ATM: variants seen among roughly 807,000 people sequenced by gnomAD.
ATM encodes the protein serine-protein kinase ATM.
A neutral mutation model predicts 387.0 loss-of-function variants in ATM; 308 were observed. The observed-to-expected ratio is 0.80, with a 90% CI of 0.73 to 0.87. ATM has a LOEUF of 0.87. Among genes scored for constraint, ATM ranks in the 40% least tolerant of loss-of-function variants. The probability of loss-of-function intolerance (pLI) is 0.00; values close to 1 mark genes in which losing one functional copy is unlikely to be tolerated. For missense variants in ATM, 3,312 were observed against 3,560.9 expected, an observed-to-expected ratio of 0.93 and a Z score of 1.78; for synonymous variants, 1,156 against 1,187.3, an observed-to-expected ratio of 0.97 and a Z score of 0.54.
At chr11:108,270,185 C>T (rs2081495729) in intron 18 of ATM, among the ~76,000 whole-genome samples, 1 of 152,128 alleles carries the variant, frequency 6.6e-6, no homozygotes, top group Non-Finnish European at 1.5e-5. Flanking sequence ...GTTGCAGCAG[C>T]CCTTTCTGTG....
At chr11:108,286,864 T>C (rs1340759532) in intron 26 of ATM, among the ~76,000 whole-genome samples, 1 of 152,242 alleles carries the variant, frequency 6.6e-6, no homozygotes, top group Non-Finnish European at 1.5e-5. Flanking sequence ...ATTAGCCATT[T>C]ATCACTGTAA....
rs927339050 is a variant in ATM at position 108,265,431 on chromosome 11, T to G, written c.2467-1740T>G. On this transcript the variant is annotated intron_variant, in intron 16 of 62. Transcript: ENST00000675843. ...GTGCTGGGAAAACTGGCTAGCCATATGTAGAAAGCTGAAACTGGATCCCTT... is the reference window on the plus strand; with the variant it reads ...GTGCTGGGAAAACTGGCTAGCCATAGGTAGAAAGCTGAAACTGGATCCCTT... Among the ~76,000 whole-genome samples the G allele has an allele frequency of 3.9e-5, 6 of 152,344 alleles. No individual in the cohort carries two copies. The South Asian group carries it at 1.2e-3, about 32-fold the overall frequency.
chr11:108,254,129 A>G (rs2080324837), intron 13 of ATM, 90 bp downstream of exon 13: 1 of 1,273,536 alleles, frequency 7.9e-7, no homozygotes, highest in Non-Finnish European at 1.1e-6. Flanking sequence ...GAAAAACAGC[A>G]AGGATGGTGG....
rs1555113708 is a variant in ATM at position 108,316,020 on chromosome 11, A to G, written c.6105A>G (p.Thr2035=). The G allele has an allele frequency of 1.2e-6, 2 of 1,614,070 alleles. No homozygotes were observed. The highest frequency in any genetic ancestry group is 2.2e-5 in the East Asian group (1 of 44,886). The change falls in exon 42 of 63, where the codon ACA becomes ACG. Residue 2035 remains threonine (T), a synonymous_variant. Coordinates refer to ENST00000675843, the MANE Select transcript of ATM (RefSeq NM_000051.4). The stretch of plus-strand genomic sequence containing the variant: ...CAATCTTTTCTTATAGACTACGAAC[A>G]TATGAACACGAAGCAATGTGGGGCA... ...KMLQPITRLR[T]YEHEAMWGKA...
chr11:108,267,347 A>AT lies in ATM; in HGVS notation c.2638+6dup. 6.2e-7 allele frequency: 1 copy of AT among 1,613,368 alleles called. No homozygotes were observed. Among genetic ancestry groups the AT allele is most frequent in the East Asian group, 2.2e-5 (1 of 44,868 alleles). Reference sequence around the variant, plus strand: ...GAGAGAGCCAAAGTACCATAGGTAAATACATATTTACTACTTGGGATTTCT... The same window carrying AT: ...GAGAGAGCCAAAGTACCATAGGTAAATTACATATTTACTACTTGGGATTTCT... On this transcript the variant is annotated splice_donor_region_variant and intron_variant, in intron 17 of 62. Coordinates refer to ENST00000675843, the MANE Select transcript of ATM (RefSeq NM_000051.4).
At chr11:108,243,253 T>G (rs922381145) in intron 5 of ATM, among the ~76,000 whole-genome samples, 54 of 151,970 alleles carry the variant, frequency 3.6e-4, no homozygotes, top group African/African-American at 1.3e-3. Context: ...AGAGTAAAAT[T>G]TCATACCCTT....
Position 108,232,527 on chromosome 11 carries a change from CTTTTTTTTTTTTTTTTT to C in ATM, c.332-3129_332-3113del, listed in dbSNP as rs71047685. On this transcript the variant is annotated intron_variant, in intron 4 of 62. Transcript: ENST00000675843. ...TAAGCAAATATTGTTGATTTCTCTC[CTTTTTTTTTTTTTTTTT>C]TTTTTTTTTTTTTGAGACAGAGTCT... Among the ~76,000 whole-genome samples the C allele has an allele frequency of 8.6e-5, 5 of 58,180 alleles. No individual in the cohort carries two copies. In the East Asian group the frequency reaches 2.7e-3, roughly 31 times the overall value. 38.2% of individuals were successfully genotyped at this position (58,180 alleles called of 152,430 possible). A position where few individuals can be genotyped will look rare whatever the true frequency, so the allele number is the denominator to read the frequency against.
intron 59 of ATM, among the ~76,000 whole-genome samples, chr11:108,353,289 T>A (rs192836049): frequency 6.6e-6 from 1 of 151,944 alleles, no homozygotes; most frequent in Non-Finnish European, 1.5e-5. Flanking sequence ...ACTGGGATTA[T>A]AGGCACCTGC....
chr11:108,312,518 T>A lies in ATM; in HGVS notation c.6006+20T>A. On this transcript the variant is annotated intron_variant, in intron 40 of 62. Coordinates refer to ENST00000675843, the MANE Select transcript of ATM (RefSeq NM_000051.4). ...TTACAGGTAAATATTAGAGGCTCTA[T>A]TATTTATGACAGTATTTATCTCATA... 2.0e-6 allele frequency: 3 copies of A among 1,474,088 alleles called. No individual in the cohort carries two copies. Among genetic ancestry groups the A allele is most frequent in the Non-Finnish European group, 2.8e-6 (3 of 1,053,364 alleles). 91.3% of individuals were successfully genotyped at this position (1,474,088 alleles called of 1,614,324 possible). A position where few individuals can be genotyped will look rare whatever the true frequency, so the allele number is the denominator to read the frequency against.
intron 37 of ATM, among the ~76,000 whole-genome samples, chr11:108,306,346 A>T (rs1452483491): frequency 6.6e-6 from 1 of 152,212 alleles, no homozygotes; most frequent in African/African-American, 2.4e-5. Flanking sequence ...ATTCTCATAG[A>T]GGCTTTGTAA....
At chr11:108,362,097 T>G (rs1389896271) in intron 61 of ATM, among the ~76,000 whole-genome samples, 2 of 135,288 alleles carry the variant, frequency 1.5e-5, no homozygotes, top group African/African-American at 2.8e-5. Flanking sequence ...CAAACAAATT[T>G]ACAAGAAAAA....
intron 24 of ATM, among the ~76,000 whole-genome samples, chr11:108,282,263 G>A (rs1232802481): frequency 1.3e-5 from 2 of 152,118 alleles, no homozygotes; most frequent in East Asian, 3.9e-4. Context: ...GAGTAGCTGG[G>A]ACTACAGGCG....
rs1166849874 is a variant in ATM at position 108,353,860 on chromosome 11, T to C, written c.8766T>C (p.Gly2922=). 1.2e-6 allele frequency: 2 copies of C among 1,613,324 alleles called. No individual in the cohort carries two copies. The highest frequency in any genetic ancestry group is 1.7e-6 in the Non-Finnish European group (2 of 1,179,442). The part of the protein sequence containing the change: ...RDIVDGMGIT[G]VEGVFRRCCE... ...TTGTGGATGGCATGGGCATTACGGG[T>C]GTTGAAGGTGTCTTCAGAAGGTAAG... The change falls in exon 60 of 63, where the codon GGT becomes GGC. Residue 2922 remains glycine, a synonymous_variant. Transcript: ENST00000675843.
In ATM at chr11:108,326,195, G is replaced by A. The variant is rs1555120014; in HGVS notation, c.6945G>A (p.Met2315Ile). 6.2e-7 allele frequency: 1 copy of A among 1,614,070 alleles called. No individual in the cohort carries two copies. Among genetic ancestry groups the A allele is most frequent in the Non-Finnish European group, 8.5e-7 (1 of 1,180,014 alleles). ...QSLALSILKQ[M>I]IKKLDASCAA... ...TTGCCCTGAGTATTCTCAAGCAAAT[G>A]ATCAAGAAGTTGGATGCCAGCTGTG... Residue 2315 changes from methionine (M) to isoleucine (I), a missense_variant, in exon 47 of 63, where the codon ATG (methionine) becomes ATA (isoleucine). Met to Ile is a conservative substitution (Grantham distance 10). Transcript: ENST00000675843.
intron 40 of ATM, among the ~76,000 whole-genome samples, chr11:108,314,422 T>C (rs1281990752): frequency 6.6e-6 from 1 of 151,256 alleles, no homozygotes; most frequent in Non-Finnish European, 1.5e-5. Context: ...CAGTTTTAGG[T>C]GTTGACAAGA....
intron 5 of ATM, 95 bp downstream of exon 5, chr11:108,235,929 G>A: frequency 7.2e-7 from 1 of 1,386,346 alleles, no homozygotes; most frequent in African/African-American, 1.4e-5. Context: ...TATCCCCCAA[G>A]TGACCTGACA....
rs1591160284 is a variant in ATM, at chr11:108,330,273, AAG to A, written c.7370_7371del (p.Glu2457GlyfsTer3). The stretch of plus-strand genomic sequence containing the variant: ...GATGAATTAGCCCTGCGTGCACTGA[AAG>A]AGGATCGTAAACGCTTCTTATGTAA... On this transcript the variant is annotated frameshift_variant, in exon 50 of 63. Coordinates refer to ENST00000675843, the MANE Select transcript of ATM (RefSeq NM_000051.4). LOFTEE classifies it high-confidence loss of function. The A allele has an allele frequency of 1.2e-6, 2 of 1,614,188 alleles. No homozygotes were observed. Among genetic ancestry groups the A allele is most frequent in the Non-Finnish European group, 1.7e-6 (2 of 1,180,004 alleles).
chr11:108,261,451 A>G (rs1276997440), intron 16 of ATM, among the ~76,000 whole-genome samples: 13 of 152,226 alleles, frequency 8.5e-5, no homozygotes, highest in Non-Finnish European at 1.5e-4. Context: ...ACTAACAAAC[A>G]GAAAGGACAT....
At chr11:108,301,191 A>G (rs913614705) in intron 34 of ATM, among the ~76,000 whole-genome samples, 6 of 152,184 alleles carry the variant, frequency 3.9e-5, no homozygotes, top group African/African-American at 1.4e-4. Flanking sequence ...GGTTTTTCTG[A>G]AACAGATGCA....
Sources: gnomAD v4.1 joint callset for allele counts (sites outside exome capture counted in the v4.1 genomes callset) on GRCh38, gnomAD v4.1.1 for gene constraint, MANE v1.5 for transcripts, NCBI Gene and HGNC (gene_info 2026-07-23, HGNC 2026-07-21) for gene names.